PTPRD: variants seen among roughly 807,000 people sequenced by gnomAD.
The protein encoded by PTPRD is receptor-type tyrosine-protein phosphatase delta.
Under a neutral mutation model 214.5 loss-of-function variants are expected in PTPRD, and 34 were observed. The observed-to-expected ratio is 0.16, with a 90% CI of 0.12 to 0.21. The LOEUF (loss-of-function observed/expected upper bound fraction) is 0.21, where lower values mean the gene tolerates loss of function less well. PTPRD is among the 10% of genes least tolerant of loss of function. The pLI is 1.00. For synonymous variants in PTPRD, 1,128 were observed against 845.7 expected, an observed-to-expected ratio of 1.33 and a Z score of -5.79; for missense variants, 2,545 against 2,398.7, an observed-to-expected ratio of 1.06 and a Z score of -1.27.
intron 43 of PTPRD, among the ~76,000 whole-genome samples, chr9:8,333,396 G>A (rs1843364200): frequency 6.6e-6 from 1 of 151,964 alleles, no homozygotes. Flanking sequence ...TTCATTTAAA[G>A]GTTACCTGTT....
chr9:10,513,080 G>A (rs1203345775), intron 2 of PTPRD, among the ~76,000 whole-genome samples: 3 of 151,900 alleles, frequency 2.0e-5, no homozygotes, highest in Non-Finnish European at 4.4e-5. Flanking sequence ...AGGAGAAGAT[G>A]ATCTTCAGTT....
At chr9:10,475,830 A>G (rs2099059133) in intron 2 of PTPRD, among the ~76,000 whole-genome samples, 1 of 152,158 alleles carries the variant, frequency 6.6e-6, no homozygotes, top group South Asian at 2.1e-4. Context: ...CAATATATGC[A>G]TATCAATAAA....
intron 11 of PTPRD, among the ~76,000 whole-genome samples, chr9:8,891,698 A>T (rs1392009200): frequency 6.6e-6 from 1 of 152,056 alleles, no homozygotes; most frequent in African/African-American, 2.4e-5. Flanking sequence ...GACATGGCAA[A>T]ATTGGGCCAA....
At chr9:9,398,464 AGCATAT>A (rs1178605537) in intron 8 of PTPRD, among the ~76,000 whole-genome samples, 2 of 152,046 alleles carry the variant, frequency 1.3e-5, no homozygotes, top group Admixed American at 1.3e-4. Flanking sequence ...GTGTATAGAT[AGCATAT>A]GGTGCACATT....
At chr9:8,904,541 G>A (rs2016766) in intron 11 of PTPRD, among the ~76,000 whole-genome samples, 4 of 151,836 alleles carry the variant, frequency 2.6e-5, no homozygotes, top group African/African-American at 7.2e-5. Flanking sequence ...CTATGGTGGC[G>A]CATGCCTGTA....
intron 5 of PTPRD, among the ~76,000 whole-genome samples, chr9:9,775,850 G>A (rs1428989814): frequency 6.6e-6 from 1 of 151,360 alleles, no homozygotes; most frequent in African/African-American, 2.4e-5. Context: ...CAGCTACTTG[G>A]GAGGCTGAGG....
At chr9:10,409,859 G>T (rs572032840) in intron 2 of PTPRD, among the ~76,000 whole-genome samples, 1 of 151,794 alleles carries the variant, frequency 6.6e-6, no homozygotes, top group East Asian at 2.0e-4. Flanking sequence ...CCATGTGAGT[G>T]AGCCATCTTG....
At chr9:10,231,564 G>A (rs769683945) in intron 3 of PTPRD, among the ~76,000 whole-genome samples, 23 of 148,442 alleles carry the variant, frequency 1.5e-4, no homozygotes, top group Non-Finnish European at 2.8e-4. Flanking sequence ...GTAGGGAGGA[G>A]GTGGTGCACA....
chr9:9,563,226 C>T (rs1273113374), intron 8 of PTPRD, among the ~76,000 whole-genome samples: 2 of 152,120 alleles, frequency 1.3e-5, no homozygotes, highest in Non-Finnish European at 2.9e-5. Context: ...AAGTCTATCC[C>T]GATAAGTTTG....
At chr9:8,794,509 ATTTT>A (rs5896260) in intron 11 of PTPRD, among the ~76,000 whole-genome samples, 1 of 131,684 alleles carries the variant, frequency 7.6e-6, no homozygotes, top group South Asian at 2.4e-4. Context: ...CACAGAAGCC[ATTTT>A]TTTTTTTTTT....
chr9:9,172,789 C>G (rs992765580), intron 10 of PTPRD, among the ~76,000 whole-genome samples: 1 of 152,120 alleles, frequency 6.6e-6, no homozygotes, highest in Admixed American at 6.6e-5. Context: ...ACTCCCAAAG[C>G]CATCATCTTA....
chr9:9,993,487 T>C (rs2096018821), intron 4 of PTPRD, among the ~76,000 whole-genome samples: 1 of 152,212 alleles, frequency 6.6e-6, no homozygotes, highest in African/African-American at 2.4e-5. Context: ...ATAGATGTGC[T>C]ACAACCATGT....
chr9:9,254,344 T>A (rs1307227908), intron 9 of PTPRD, among the ~76,000 whole-genome samples: 6 of 152,030 alleles, frequency 3.9e-5, no homozygotes, highest in Admixed American at 3.9e-4. Flanking sequence ...ATTTATAAAT[T>A]ATATGGATGT....
intron 10 of PTPRD, among the ~76,000 whole-genome samples, chr9:9,024,805 A>G (rs925066581): frequency 1.3e-5 from 2 of 151,896 alleles, no homozygotes; most frequent in African/African-American, 4.8e-5. Flanking sequence ...TATATTAAGG[A>G]TATTGATTAT....
At chr9:9,542,493 C>T (rs1226049876) in intron 8 of PTPRD, among the ~76,000 whole-genome samples, 1 of 151,472 alleles carries the variant, frequency 6.6e-6, no homozygotes, top group African/African-American at 2.4e-5. Context: ...GCCAAATCAT[C>T]AAAAGATATC....
chr9:9,855,109 C>T (rs2061300100), intron 5 of PTPRD, among the ~76,000 whole-genome samples: 2 of 152,306 alleles, frequency 1.3e-5, no homozygotes, highest in South Asian at 2.1e-4. Flanking sequence ...TTGTCCTGAT[C>T]AACCTACTGT....
At chr9:8,686,807 T>G (rs2097690006) in intron 12 of PTPRD, among the ~76,000 whole-genome samples, 1 of 152,198 alleles carries the variant, frequency 6.6e-6, no homozygotes, top group African/African-American at 2.4e-5. Context: ...TTTGACGCAT[T>G]TAAAGCTAAC....
intron 8 of PTPRD, among the ~76,000 whole-genome samples, chr9:9,417,282 G>C (rs2077274110): frequency 6.6e-6 from 1 of 152,098 alleles, no homozygotes; most frequent in Non-Finnish European, 1.5e-5. Context: ...CTTAAAGTCT[G>C]AGGTAAAATA....
intron 2 of PTPRD, among the ~76,000 whole-genome samples, chr9:10,507,456 A>T (rs201021220): frequency 2.0e-5 from 3 of 152,088 alleles, no homozygotes; most frequent in East Asian, 1.9e-4. Flanking sequence ...TACTTTAAAG[A>T]TCATATGGAA....
Sources: gnomAD v4.1 joint callset for allele counts (sites outside exome capture counted in the v4.1 genomes callset) on GRCh38, gnomAD v4.1.1 for gene constraint, MANE v1.5 for transcripts, NCBI Gene and HGNC (gene_info 2026-07-23, HGNC 2026-07-21) for gene names.